Variants in MAP3K15 observed in about 807,000 individuals in gnomAD.
MAP3K15 encodes the protein MAPK/ERK kinase kinase 15.
A neutral mutation model predicts 99.5 loss-of-function variants in MAP3K15; 124 were observed. The ratio of observed to expected loss-of-function variants is 1.25; its 90% CI spans 1.08 to 1.45. The LOEUF (loss-of-function observed/expected upper bound fraction) is 1.45. MAP3K15 is among the 40% of genes most tolerant of loss of function. The pLI, the probability that MAP3K15 is intolerant of heterozygous loss-of-function variation, is 0.00. For missense variants in MAP3K15, 1,242 were observed against 1,079.7 expected (o/e 1.15, Z -2.11); for synonymous variants, 494 against 439.6 (o/e 1.12, Z -1.55).
At chrX:19,429,078 A>G (rs2063857465) in intron 7 of MAP3K15, among the ~76,000 whole-genome samples, 1 of 111,550 alleles carries the variant, frequency 9.0e-6, no homozygotes, top group African/African-American at 3.3e-5. Context: ...CTCCTTAGGA[A>G]CTACAGTTTA....
chrX:19,470,185 A>G (rs1319004908), intron 3 of MAP3K15, among the ~76,000 whole-genome samples: 4 of 111,943 alleles, frequency 3.6e-5, no homozygotes, highest in Admixed American at 9.5e-5. Context: ...GACTAAGAAA[A>G]TGTGGCACAT....
intron 19 of MAP3K15, among the ~76,000 whole-genome samples, chrX:19,377,589 A>C (rs780047425): frequency 1.1e-4 from 12 of 111,850 alleles, no homozygotes; most frequent in African/African-American, 3.9e-4. Flanking sequence ...AAACAAAAAC[A>C]AGAGGAGGCG....
intron 25 of MAP3K15, among the ~76,000 whole-genome samples, chrX:19,363,765 G>T (rs2063315135): frequency 9.1e-6 from 1 of 109,673 alleles, no homozygotes; most frequent in Non-Finnish European, 1.9e-5. Flanking sequence ...CAATTCTCCT[G>T]CCTCAGCCTC....
chrX:19,418,946 T>C (rs1400883772), intron 9 of MAP3K15, among the ~76,000 whole-genome samples: 2 of 111,539 alleles, frequency 1.8e-5, no homozygotes, highest in Non-Finnish European at 3.8e-5. Context: ...CTAAGCTTCA[T>C]AAGTGAAGGA....
At chrX:19,407,102 G>T in intron 13 of MAP3K15, 86 bp downstream of exon 13, 1 of 527,823 alleles carries the variant, frequency 1.9e-6, no homozygotes, top group Non-Finnish European at 3.0e-6. Context: ...GACAGTAATA[G>T]CAAGTAAATA....
intron 3 of MAP3K15, 30 bp from the exon 4 acceptor site, chrX:19,464,436 A>C: frequency 8.9e-7 from 1 of 1,119,596 alleles, no homozygotes; most frequent in Non-Finnish European, 1.2e-6. Flanking sequence ...ATGTTCCAGA[A>C]AGTAACTTAT....
rs759716530 is a variant in MAP3K15 at position 19,501,390 on chromosome X, T to TC, written c.362-12424dup. ...GCAATAACTGAAACCACTACTTCCA[T>TC]CCCAGCATGTCCAGTTTGAGTTCTT... On this transcript the variant is annotated intron_variant, in intron 1 of 28. Coordinates refer to ENST00000338883, the MANE Select transcript of MAP3K15 (RefSeq NM_001001671.4). Among the ~76,000 whole-genome samples, 3 of 112,202 alleles carry TC rather than the reference T, an allele frequency of 2.7e-5. No homozygotes were observed. The Admixed American group carries it at 2.8e-4, about 11-fold the overall frequency.
At chrX:19,383,203 G>A (rs1440250187) in intron 18 of MAP3K15, among the ~76,000 whole-genome samples, 1 of 111,952 alleles carries the variant, frequency 8.9e-6, no homozygotes, top group African/African-American at 3.2e-5. Context: ...TGATACCTCA[G>A]GGCCTCCCTT....
chrX:19,419,685 A>G (rs1456941168), intron 9 of MAP3K15, among the ~76,000 whole-genome samples: 4 of 111,381 alleles, frequency 3.6e-5, no homozygotes, highest in Admixed American at 9.5e-5. Flanking sequence ...TGCACCAAGC[A>G]GACCTAATAG....
intron 3 of MAP3K15, among the ~76,000 whole-genome samples, chrX:19,484,177 A>C: frequency 8.9e-6 from 1 of 112,131 alleles, no homozygotes; most frequent in Non-Finnish European, 1.9e-5. Context: ...CAGGCCACAT[A>C]GCAGGAGGTG....
At chrX:19,492,837 G>A (rs1000251587) in intron 1 of MAP3K15, among the ~76,000 whole-genome samples, 2 of 109,990 alleles carry the variant, frequency 1.8e-5, no homozygotes, top group African/African-American at 6.6e-5. Flanking sequence ...GTGTGGGGTG[G>A]GCGCCTGTAA....
At position 19,360,785 on chromosome X, in the gene MAP3K15, C is replaced by A; in HGVS notation, c.3906G>T (p.Arg1302Ser). 1 of 1,209,518 alleles carries A rather than the reference C, an allele frequency of 8.3e-7. No homozygotes were observed. Among genetic ancestry groups the A allele is most frequent in the Non-Finnish European group, 1.1e-6 (1 of 894,589 alleles). The part of the protein sequence containing the change: ...RLWSAVSQYR[R>S]AQEASETKDK... ...CTTTGGTTTCTGAGGCCTCCTGAGCCCTTCTGTACTGGGAGACCGCACTCC... is the reference window on the plus strand; with the variant it reads ...CTTTGGTTTCTGAGGCCTCCTGAGCACTTCTGTACTGGGAGACCGCACTCC... Residue 1302 changes from arginine (R) to serine (S), a missense_variant, in exon 29 of 29, where the codon AGG (arginine) becomes AGT (serine). By Grantham distance (110) the Arg-to-Ser change is moderately radical. Transcript: ENST00000338883.
At chrX:19,469,984 T>A (rs1488674868) in intron 3 of MAP3K15, among the ~76,000 whole-genome samples, 1 of 110,501 alleles carries the variant, frequency 9.0e-6, no homozygotes, top group Non-Finnish European at 1.9e-5. Flanking sequence ...ATTGTGGAAG[T>A]CAGTGTGGCG....
chrX:19,392,105 G>A lies in MAP3K15; in HGVS notation c.2328C>T (p.Gly776=), dbSNP rs61744617. 2.7e-3 allele frequency: 3,259 copies of A among 1,200,396 alleles called. 8 individuals are homozygous for A. The highest frequency in any genetic ancestry group is 3.3e-3 in the Non-Finnish European group (2,920 of 886,936). Residue 776 remains glycine (G), a splice_region_variant and synonymous_variant, in exon 18 of 29, where the codon GGC becomes GGT. Coordinates refer to ENST00000338883, the MANE Select transcript of MAP3K15 (RefSeq NM_001001671.4). ...ENQIVHRDIK[G]DNVLVNTYSG... Reference sequence around the variant, plus strand: ...TGTAGGTGTTCACCAGAACATTATCGCCCTTCGGAAAATAACATCATCAAG... The same window carrying A: ...TGTAGGTGTTCACCAGAACATTATCACCCTTCGGAAAATAACATCATCAAG...
At chrX:19,372,066 G>A (rs1232321163) in intron 22 of MAP3K15, among the ~76,000 whole-genome samples, 6 of 108,486 alleles carry the variant, frequency 5.5e-5, no homozygotes, top group Non-Finnish European at 1.1e-4. Flanking sequence ...CCTAGGAGGC[G>A]GAGGTTGCAG....
At chrX:19,490,223 T>A (rs1650732025) in intron 1 of MAP3K15, among the ~76,000 whole-genome samples, 1 of 110,060 alleles carries the variant, frequency 9.1e-6, no homozygotes, top group South Asian at 4.0e-4. Flanking sequence ...TTGCTCAGTT[T>A]TGCATGTCTT....
chrX:19,454,211 A>T (rs756919397), intron 6 of MAP3K15, among the ~76,000 whole-genome samples: 4 of 111,851 alleles, frequency 3.6e-5, no homozygotes, highest in African/African-American at 1.3e-4. Context: ...CTCGATCCAA[A>T]GATGCTGGAA....
In MAP3K15 at chrX:19,452,353, AGAGAAGAGAAGAGAAGAGAAG is replaced by A. The variant is rs2064057646; in HGVS notation, c.995+4539_995+4559del. On this transcript the variant is annotated intron_variant, in intron 6 of 28. Transcript: ENST00000338883. ...GAGAAGAGAAGAGAAGAGAAGAGAA[AGAGAAGAGAAGAGAAGAGAAG>A]AGAGAAAAGAAAAGAGAAAAGAAAA... Among the ~76,000 whole-genome samples, 2 of 53,621 alleles carry A rather than the reference AGAGAAGAGAAGAGAAGAGAAG, an allele frequency of 3.7e-5. 1 individual carries two copies. The highest frequency in any genetic ancestry group is 6.0e-5 in the Non-Finnish European group (2 of 33,386). The allele number at this position is 53,621 out of a possible 115,157, so 46.6% of individuals were successfully genotyped here. A position where few individuals can be genotyped will look rare whatever the true frequency, so the allele number is the denominator to read the frequency against.
rs1056115087 is a variant in MAP3K15, at chrX:19,369,280, C to T, written c.3401-61G>A. Reference sequence around the variant, plus strand: ...ACCAGGCCAGTGGGGCCTGGGGTCGCAGACACCCAGGTCAGCAAACCGGGC... The same window carrying T: ...ACCAGGCCAGTGGGGCCTGGGGTCGTAGACACCCAGGTCAGCAAACCGGGC... On this transcript the variant is annotated intron_variant, in intron 24 of 28. Coordinates refer to ENST00000338883, the MANE Select transcript of MAP3K15 (RefSeq NM_001001671.4). 29 of 1,175,554 alleles carry T rather than the reference C, an allele frequency of 2.5e-5. No homozygotes were observed. In the Admixed American group the frequency reaches 6.1e-4, roughly 25 times the overall value.
Sources: gnomAD v4.1 joint callset for allele counts (sites outside exome capture counted in the v4.1 genomes callset) on GRCh38, gnomAD v4.1.1 for gene constraint, MANE v1.5 for transcripts, NCBI Gene and HGNC (gene_info 2026-07-23, HGNC 2026-07-21) for gene names.